The following DHX57 variants were observed in gnomAD, a reference collection of about 807,000 sequenced individuals.
DHX57 encodes putative ATP-dependent RNA helicase DHX57.
In DHX57, 105 loss-of-function variants were observed where a neutral mutation model predicts 156.2. The ratio of observed to expected loss-of-function variants is 0.67; its 90% CI spans 0.57 to 0.79. DHX57 has a LOEUF of 0.79. Ranked by LOEUF, DHX57 falls within the 30% of genes least tolerant of loss-of-function variation. The pLI is 0.00. For missense variants in DHX57, 1,847 were observed against 1,661.9 expected (o/e 1.11, Z -1.94); for synonymous variants, 704 against 595.6 (o/e 1.18, Z -2.65).
In DHX57 at chr2:38,875,809, G is replaced by T; in HGVS notation, c.-29C>A. ...TACCTGGCTCGCAGAGTTGGGTCCCGAGCCGGCTGTCGGGAGGTGCTGCCC... is the reference window on the plus strand; with the variant it reads ...TACCTGGCTCGCAGAGTTGGGTCCCTAGCCGGCTGTCGGGAGGTGCTGCCC... On this transcript the variant is annotated 5_prime_UTR_variant, in exon 1 of 24. Transcript: ENST00000457308. The T allele has an allele frequency of 2.6e-6, 1 of 384,616 alleles. No homozygotes were observed. Among genetic ancestry groups the T allele is most frequent in the Non-Finnish European group, 4.6e-6 (1 of 217,598 alleles). 23.8% of individuals were successfully genotyped at this position (384,616 alleles called of 1,614,324 possible).
intron 8 of DHX57, 147 bp downstream of exon 8, chr2:38,854,910 A>G (rs1672803626): frequency 2.6e-6 from 2 of 774,952 alleles, no homozygotes; most frequent in Admixed American, 2.3e-5. Flanking sequence ...AAATATTTAA[A>G]TAAATGATTA....
chr2:38,836,672 G>A (rs1309715914), intron 13 of DHX57, among the ~76,000 whole-genome samples: 1 of 151,494 alleles, frequency 6.6e-6, no homozygotes, highest in Admixed American at 6.6e-5. Flanking sequence ...TACTTGGGAA[G>A]CTGAGGCCAG....
intron 1 of DHX57, among the ~76,000 whole-genome samples, chr2:38,871,626 T>C (rs532644026): frequency 2.1e-4 from 32 of 152,028 alleles, no homozygotes; most frequent in African/African-American, 7.0e-4. Context: ...CGTAGTGTCA[T>C]CTCATGGTGG....
At chr2:38,833,903 T>C (rs1671513564) in intron 13 of DHX57, among the ~76,000 whole-genome samples, 1 of 152,216 alleles carries the variant, frequency 6.6e-6, no homozygotes, top group Non-Finnish European at 1.5e-5. Flanking sequence ...CTAGCCTATT[T>C]TATTATTTAT....
intron 21 of DHX57, among the ~76,000 whole-genome samples, chr2:38,810,076 G>A (rs1374943135): frequency 1.3e-5 from 2 of 151,774 alleles, no homozygotes; most frequent in South Asian, 2.1e-4. Context: ...GTATTTTTTA[G>A]TAGAGATGGG....
intron 21 of DHX57, among the ~76,000 whole-genome samples, chr2:38,807,887 C>G (rs56407729): frequency 0.014 from 2,128 of 146,982 alleles, 57 homozygotes; most frequent in African/African-American, 0.051. Context: ...CTCAGGTGAT[C>G]TACTTCCCTC....
chr2:38,814,963 C>G (rs1670451182), intron 20 of DHX57, among the ~76,000 whole-genome samples: 1 of 152,154 alleles, frequency 6.6e-6, no homozygotes, highest in Non-Finnish European at 1.5e-5. Context: ...CTTGAGTGAT[C>G]TGCCCACCTT....
rs1248115818 is a variant in DHX57, at chr2:38,819,284, C to T, written c.3292-140G>A. 3 of 728,076 alleles carry T rather than the reference C, an allele frequency of 4.1e-6. No individual in the cohort carries two copies. In the South Asian group the frequency reaches 5.5e-5, roughly 13 times the overall value. The allele number at this position is 728,076 out of a possible 1,614,324, so 45.1% of individuals were successfully genotyped here. On this transcript the variant is annotated intron_variant, in intron 17 of 23. Coordinates refer to ENST00000457308, the MANE Select transcript of DHX57 (RefSeq NM_198963.3). ...TTATCTCCCAGGCTTAAGCAATCCT[C>T]CTGCCTCAGCCTCCCTGGTAGCTGG... is the stretch of plus-strand genomic sequence containing the variant.
At chr2:38,822,871 T>C in intron 17 of DHX57, 122 bp downstream of exon 17, 2 of 1,056,252 alleles carry the variant, frequency 1.9e-6, no homozygotes, top group Non-Finnish European at 2.7e-6. Flanking sequence ...GCCCTAAAAA[T>C]TCACAGCTAA....
At chr2:38,856,505 T>TTC in intron 6 of DHX57, 44 bp from the exon 7 acceptor site, 3 of 395,310 alleles carry the variant, frequency 7.6e-6, no homozygotes, top group South Asian at 1.2e-4. Flanking sequence ...TACTTTTTCT[T>TTC]TTTTTTTTTT....
intron 10 of DHX57, among the ~76,000 whole-genome samples, chr2:38,847,487 T>C (rs1672354212): frequency 6.6e-6 from 1 of 152,218 alleles, no homozygotes; most frequent in Non-Finnish European, 1.5e-5. Flanking sequence ...AGTCAGTGTT[T>C]CCAAAGTGTC....
chr2:38,813,013 A>G (rs1670350918), intron 21 of DHX57, among the ~76,000 whole-genome samples: 1 of 151,732 alleles, frequency 6.6e-6, no homozygotes, highest in Non-Finnish European at 1.5e-5. Flanking sequence ...ACACCCAGCT[A>G]ATTTTTGTAT....
At position 38,816,255 on chromosome 2, in the gene DHX57, T is replaced by C. The variant is rs560159055; in HGVS notation, c.3472-600A>G. ...TTTGAGACAGAGTCTTGCTCTGTCA[T>C]CCAGGCTGGAGTGCAGTGGCGCAAT... On this transcript the variant is annotated intron_variant, in intron 19 of 23. Coordinates refer to ENST00000457308, the MANE Select transcript of DHX57 (RefSeq NM_198963.3). 4.7e-4 allele frequency: 219 copies of C among 463,962 alleles called. 4 individuals carry two copies. The highest frequency in any genetic ancestry group is 3.4e-3 in the South Asian group (218 of 64,224). 28.7% of individuals were successfully genotyped at this position (463,962 alleles called of 1,614,324 possible).
At chr2:38,849,638 G>A (rs1005238414) in intron 9 of DHX57, among the ~76,000 whole-genome samples, 9 of 152,006 alleles carry the variant, frequency 5.9e-5, no homozygotes, top group African/African-American at 1.7e-4. Context: ...GGCTCTATAT[G>A]GCACGGTCTA....
At chr2:38,820,646 A>G (rs912134942) in intron 17 of DHX57, among the ~76,000 whole-genome samples, 2 of 152,044 alleles carry the variant, frequency 1.3e-5, no homozygotes, top group Non-Finnish European at 2.9e-5. Flanking sequence ...AATTGAGATA[A>G]CTCACTACCA....
chr2:38,841,313 G>A (rs1572673214), intron 12 of DHX57, among the ~76,000 whole-genome samples: 1 of 152,180 alleles, frequency 6.6e-6, no homozygotes, highest in Non-Finnish European at 1.5e-5. Context: ...CCACTTTATA[G>A]ATAAGGAAAC....
chr2:38,832,100 A>C (rs533257034), intron 13 of DHX57, among the ~76,000 whole-genome samples: 1 of 152,226 alleles, frequency 6.6e-6, no homozygotes, highest in African/African-American at 2.4e-5. Flanking sequence ...GCCAAGTAAA[A>C]ATAAGGCATT....
chr2:38,863,995 G>C (rs1309289555), intron 2 of DHX57, among the ~76,000 whole-genome samples: 2 of 151,050 alleles, frequency 1.3e-5, no homozygotes, highest in South Asian at 2.1e-4. Context: ...CTGGGCAACA[G>C]AGCGAGATTC....
rs1287887065 is a variant in DHX57, at chr2:38,861,992, G to T, written c.572+153C>A. On this transcript the variant is annotated intron_variant, in intron 4 of 23. Coordinates refer to ENST00000457308, the MANE Select transcript of DHX57 (RefSeq NM_198963.3). Reference sequence around the variant, plus strand: ...ATCCCTGATAACAATAAGCCCCCCTGAATGACCCCTTCTGATAAGATAGAA... The same window carrying T: ...ATCCCTGATAACAATAAGCCCCCCTTAATGACCCCTTCTGATAAGATAGAA... Among the ~76,000 whole-genome samples, 7 of 152,206 alleles carry T rather than the reference G, an allele frequency of 4.6e-5. No individual in the cohort carries two copies. In the East Asian group the frequency reaches 1.3e-3, roughly 29 times the overall value.
Sources: gnomAD v4.1 joint callset for allele counts (sites outside exome capture counted in the v4.1 genomes callset) on GRCh38, gnomAD v4.1.1 for gene constraint, MANE v1.5 for transcripts, NCBI Gene and HGNC (gene_info 2026-07-23, HGNC 2026-07-21) for gene names.